The following ZFC3H1 variants were observed in gnomAD, a reference collection of about 807,000 sequenced individuals.
The protein encoded by ZFC3H1 is zinc finger C3H1 domain-containing protein.
Under a neutral mutation model 243.7 loss-of-function variants are expected in ZFC3H1, and 71 were observed. That is an observed-to-expected ratio of 0.29 (90% CI 0.24 to 0.36). ZFC3H1 has a LOEUF of 0.36. Ranked by LOEUF, ZFC3H1 falls within the 10% of genes least tolerant of loss-of-function variation. The pLI is 1.00. For synonymous variants in ZFC3H1, 838 were observed against 813.0 expected, an observed-to-expected ratio of 1.03 and a Z score of -0.52; for missense variants, 1,966 against 2,317.1, an observed-to-expected ratio of 0.85 and a Z score of 3.11.
intron 3 of ZFC3H1, 68 bp downstream of exon 3, chr12:71,647,681 A>G: frequency 1.2e-6 from 1 of 849,030 alleles, no homozygotes; most frequent in Non-Finnish European, 1.8e-6. Flanking sequence ...TCCCTTACAA[A>G]AGAACAAAAT....
intron 2 of ZFC3H1, chr12:71,656,323 AAAAC>A: frequency 2.6e-6 from 1 of 390,600 alleles, no homozygotes; most frequent in Admixed American, 4.3e-5. Context: ...AGGAAAAGAA[AAAAC>A]AAGCCAAATC....
chr12:71,644,335 C>T lies in ZFC3H1; in HGVS notation c.1280-17G>A. ...CTTGTTTAGCTTTAAATAAAAAACACATAAACATTAGCATCTGTTAGGAGA... is the reference window on the plus strand; with the variant it reads ...CTTGTTTAGCTTTAAATAAAAAACATATAAACATTAGCATCTGTTAGGAGA... On this transcript the variant is annotated splice_polypyrimidine_tract_variant and intron_variant, in intron 4 of 34. Transcript: ENST00000378743. 3.7e-6 allele frequency: 6 copies of T among 1,606,440 alleles called. No individual in the cohort carries two copies. The highest frequency in any genetic ancestry group is 5.1e-6 in the Non-Finnish European group (6 of 1,177,820).
chr12:71,614,526 A>G lies in ZFC3H1; in HGVS notation c.5526+9T>C. On this transcript the variant is annotated intron_variant, in intron 30 of 34. Coordinates refer to ENST00000378743, the MANE Select transcript of ZFC3H1 (RefSeq NM_144982.5). The stretch of plus-strand genomic sequence containing the variant: ...CAAATATCTAAAGAAAAAAGTTTTG[A>G]GTTCTTACCCTATTATGAAATTCAT... 1 of 1,540,020 alleles carries G rather than the reference A, an allele frequency of 6.5e-7. No homozygotes were observed.
chr12:71,659,899 A>T (rs1220955931), intron 1 of ZFC3H1, among the ~76,000 whole-genome samples: 2 of 152,234 alleles, frequency 1.3e-5, no homozygotes, highest in Non-Finnish European at 2.9e-5. Context: ...CTCTCCTCAG[A>T]TTTGAAAGTT....
chr12:71,648,364 T>C (rs972287536), intron 2 of ZFC3H1, among the ~76,000 whole-genome samples: 1 of 152,198 alleles, frequency 6.6e-6, no homozygotes, highest in Non-Finnish European at 1.5e-5. Context: ...AGATGACTGA[T>C]GAAATAATGT....
Position 71,624,279 on chromosome 12 carries a change from T to C in ZFC3H1, c.4331A>G (p.Glu1444Gly), listed in dbSNP as rs1880103717. Residue 1444 changes from glutamate to glycine, a missense_variant, in exon 23 of 35, where the codon GAA becomes GGA. Coordinates refer to ENST00000378743, the MANE Select transcript of ZFC3H1 (RefSeq NM_144982.5). ...GTAATCCTTTTCTTCAAAGGTACTT[T>C]CTAGGTGTAGAAACTGCCCAAAGGG... Reference protein sequence around the residue: ...YQSFWTFLHLESTFEEKDYVC... With the variant: ...YQSFWTFLHLGSTFEEKDYVC... 6.2e-7 allele frequency: 1 copy of C among 1,611,354 alleles called. No homozygotes were observed. Among genetic ancestry groups the C allele is most frequent in the East Asian group, 2.2e-5 (1 of 44,860 alleles).
At chr12:71,632,588 C>A in intron 14 of ZFC3H1, 74 bp from the exon 15 acceptor site, 1 of 1,458,236 alleles carries the variant, frequency 6.9e-7, no homozygotes, top group South Asian at 1.4e-5. Flanking sequence ...GATAATTGTG[C>A]TATCCCCACC....
At chr12:71,630,977 G>T in intron 16 of ZFC3H1, 23 bp from the exon 17 acceptor site, 1 of 1,550,128 alleles carries the variant, frequency 6.5e-7, no homozygotes, top group Non-Finnish European at 8.7e-7. Flanking sequence ...GAGTGAACAG[G>T]TATATTATGC....
chr12:71,633,247 T>C lies in ZFC3H1; in HGVS notation c.2685+17A>G. 6.4e-7 allele frequency: 1 copy of C among 1,562,086 alleles called. No individual in the cohort carries two copies. The highest frequency in any genetic ancestry group is 1.2e-5 in the South Asian group (1 of 81,940). On this transcript the variant is annotated intron_variant, in intron 13 of 34. Coordinates refer to ENST00000378743, the MANE Select transcript of ZFC3H1 (RefSeq NM_144982.5). ...ATGTGTAGTAAACAGGAGACTACAGTATTTTAAAATAATTACTTGTTCCTG... is the reference window on the plus strand; with the variant it reads ...ATGTGTAGTAAACAGGAGACTACAGCATTTTAAAATAATTACTTGTTCCTG...
Position 71,613,982 on chromosome 12 carries a change from GA to G in ZFC3H1, c.5527-548del, listed in dbSNP as rs373187486. 3.9e-3 allele frequency among the ~76,000 whole-genome samples: 599 copies of G among 152,008 alleles called. 2 individuals are homozygous for G. The highest frequency in any genetic ancestry group is 0.014 in the African/African-American group (565 of 41,472). ...AATGCACTGAATAAAAGTGGTGTCTGAAAAAAAATTTTTTTAAAAGATAATC... is the reference window on the plus strand; with the variant it reads ...AATGCACTGAATAAAAGTGGTGTCTGAAAAAAATTTTTTTAAAAGATAATC... On this transcript the variant is annotated intron_variant, in intron 30 of 34. Transcript: ENST00000378743.
At chr12:71,650,818 C>T (rs1056061812) in intron 2 of ZFC3H1, among the ~76,000 whole-genome samples, 5 of 152,062 alleles carry the variant, frequency 3.3e-5, no homozygotes. Context: ...CAGTCCTTTG[C>T]TCAAAACCCT....
rs1880275364 is a variant in ZFC3H1, at chr12:71,629,812, T to C, written c.3725-102A>G. The C allele has an allele frequency of 1.8e-5, 13 of 727,764 alleles. No individual in the cohort carries two copies. In the South Asian group the frequency reaches 2.0e-4, roughly 11 times the overall value. 45.1% of individuals were successfully genotyped at this position (727,764 alleles called of 1,614,324 possible). A position where few individuals can be genotyped will look rare whatever the true frequency, so the allele number is the denominator to read the frequency against. On this transcript the variant is annotated intron_variant, in intron 18 of 34. Transcript: ENST00000378743. ...CTAGTTTAAGAATTAAAGGCGATTA[T>C]ATGGTACTAGTCAATAACACCTATG...
At chr12:71,642,835 C>T (rs1413410850) in intron 5 of ZFC3H1, among the ~76,000 whole-genome samples, 2 of 152,146 alleles carry the variant, frequency 1.3e-5, no homozygotes, top group Non-Finnish European at 2.9e-5. Context: ...ATTAGCTCTT[C>T]CTGTATAAAA....
chr12:71,635,162 G>A (rs1880429147), intron 10 of ZFC3H1, among the ~76,000 whole-genome samples: 1 of 152,062 alleles, frequency 6.6e-6, no homozygotes, highest in African/African-American at 2.4e-5. Flanking sequence ...TAAAACAACA[G>A]TCTCCTTACT....
chr12:71,653,328 G>A (rs966415784), intron 2 of ZFC3H1, among the ~76,000 whole-genome samples: 1 of 152,212 alleles, frequency 6.6e-6, no homozygotes, highest in African/African-American at 2.4e-5. Context: ...AGATGTATCA[G>A]AGGAAATTTT....
chr12:71,644,359 G>T, intron 4 of ZFC3H1, 41 bp from the exon 5 acceptor site: 1 of 1,566,924 alleles, frequency 6.4e-7, no homozygotes, highest in African/African-American at 1.4e-5. Context: ...TCTGTTAGGA[G>T]ATAAAAGAAA....
chr12:71,631,658 G>T, intron 16 of ZFC3H1, 120 bp downstream of exon 16: 1 of 842,062 alleles, frequency 1.2e-6, no homozygotes, highest in Non-Finnish European at 1.8e-6. Flanking sequence ...AAAAGGGTAA[G>T]TCTGGTTATC....
intron 1 of ZFC3H1, among the ~76,000 whole-genome samples, chr12:71,658,046 C>T (rs1193204934): frequency 4.0e-5 from 6 of 151,742 alleles, no homozygotes; most frequent in African/African-American, 1.5e-4. Context: ...CTATTTTTCT[C>T]CTACAGACAA....
At chr12:71,644,618 A>G (rs569280076) in intron 4 of ZFC3H1, among the ~76,000 whole-genome samples, 2 of 152,084 alleles carry the variant, frequency 1.3e-5, no homozygotes, top group Non-Finnish European at 2.9e-5. Context: ...GGAGTTTGAG[A>G]CCAGTTAGCC....
Sources: gnomAD v4.1 joint callset for allele counts (sites outside exome capture counted in the v4.1 genomes callset) on GRCh38, gnomAD v4.1.1 for gene constraint, MANE v1.5 for transcripts, NCBI Gene and HGNC (gene_info 2026-07-23, HGNC 2026-07-21) for gene names.